The following RNF14 variants were observed in gnomAD, a reference collection of about 807,000 sequenced individuals.
RNF14 encodes E3 ubiquitin-protein ligase RNF14.
In RNF14, 26 loss-of-function variants were observed where a neutral mutation model predicts 52.6. The ratio of observed to expected loss-of-function variants is 0.49; its 90% CI spans 0.36 to 0.69. The LOEUF (loss-of-function observed/expected upper bound fraction) is 0.69, where lower values mean the gene tolerates loss of function less well. Ranked by LOEUF, RNF14 falls within the 30% of genes least tolerant of loss-of-function variation. The pLI, the probability that RNF14 is intolerant of heterozygous loss-of-function variation, is 0.00. For synonymous variants in RNF14, 194 were observed against 202.0 expected, an observed-to-expected ratio of 0.96 and a Z score of 0.34; for missense variants, 404 against 560.4, an observed-to-expected ratio of 0.72 and a Z score of 2.82.
intron 5 of RNF14, 103 bp downstream of exon 5, chr5:141,978,933 C>A: frequency 1.6e-6 from 2 of 1,256,290 alleles, no homozygotes; most frequent in Admixed American, 2.3e-5. Context: ...AGTCCGAGGC[C>A]TTGGAGCCAG....
At chr5:141,955,112 G>A (rs373022057), upstream of RNF14, 4 of 1,614,124 alleles carry the variant, frequency 2.5e-6, no homozygotes, top group East Asian at 2.2e-5. This position sits in a 1 kb window ranked among gnomAD's most constrained non-coding sequence, Gnocchi z 5.5. Context: ...TTGAGATGTC[G>A]CTGCCGTCTC....
chr5:141,956,952 C>G, upstream of RNF14: 2 of 1,614,174 alleles, frequency 1.2e-6, no homozygotes, highest in Non-Finnish European at 1.7e-6. Context: ...CCTGGCCTGT[C>G]TTGGCATCAA....
the RNF14 span, among the ~76,000 whole-genome samples, chr5:141,952,161 G>C: frequency 1.3e-5 from 2 of 152,138 alleles, no homozygotes; most frequent in South Asian, 4.1e-4. Context: ...TGCCCTCAGC[G>C]TGGTCACATC....
In RNF14 at chr5:141,984,824, A is replaced by C; in HGVS notation, c.1258A>C (p.Met420Leu). 6.2e-7 allele frequency: 1 copy of C among 1,613,842 alleles called. No homozygotes were observed. The highest frequency in any genetic ancestry group is 8.5e-7 in the Non-Finnish European group (1 of 1,179,780). The change falls in exon 8 of 9, where the codon ATG becomes CTG. Residue 420 changes from methionine (M) to leucine (L), a missense_variant. By Grantham distance (15) the Met-to-Leu change is conservative. Coordinates refer to ENST00000394520, the MANE Select transcript of RNF14 (RefSeq NM_004290.5). The part of the protein sequence containing the change: ...PIEKLDGCNK[M>L]TCTGCMQYFC... ...CCAGAAATTAGACGGATGTAACAAG[A>C]TGACATGTACTGGCTGTATGCAATA...
At chr5:141,959,834 C>T (rs1018124289) in intron 1 of RNF14, among the ~76,000 whole-genome samples, 1 of 152,182 alleles carries the variant, frequency 6.6e-6, no homozygotes, top group Non-Finnish European at 1.5e-5. Context: ...AGCTCTGAGA[C>T]ACTGCACAAG....
intron 3 of RNF14, 104 bp from the exon 4 acceptor site, chr5:141,974,700 A>T (rs1754088612): frequency 5.4e-6 from 6 of 1,105,718 alleles, no homozygotes; most frequent in Non-Finnish European, 7.8e-6. Context: ...GAGGGTTTTT[A>T]TTCCCTCAAC....
chr5:141,985,525 C>G (rs1450717341), intron 8 of RNF14, among the ~76,000 whole-genome samples: 1 of 151,944 alleles, frequency 6.6e-6, no homozygotes, highest in Non-Finnish European at 1.5e-5. Context: ...AAGCTTTGGC[C>G]CACCTTTTTT....
chr5:141,983,581 C>T, intron 7 of RNF14, 29 bp downstream of exon 7: 3 of 1,579,934 alleles, frequency 1.9e-6, no homozygotes, highest in South Asian at 2.3e-5. Context: ...ACTTGGAGGC[C>T]ATCAGACTTG....
At chr5:141,951,747 G>C in the RNF14 span, among the ~76,000 whole-genome samples, 263 of 152,350 alleles carry the variant, frequency 1.7e-3, no homozygotes, top group African/African-American at 6.0e-3. Context: ...CAGTGACAGA[G>C]ACAGGGACCT....
chr5:141,982,842 C>T (rs1439394990), intron 6 of RNF14, among the ~76,000 whole-genome samples: 1 of 152,018 alleles, frequency 6.6e-6, no homozygotes, highest in East Asian at 1.9e-4. Flanking sequence ...GTGAATGGTG[C>T]TGACTTAGTG....
Position 141,984,919 on chromosome 5 carries a change from A to G in RNF14, c.1353A>G (p.Ser451=). ...NPYKHFNDPG[S]PCFNRLFYAV... is the part of the protein sequence containing the mutation. ...ACAAACATTTCAATGACCCTGGTTCACCATGTTTTAACCGGTATGTATACA... is the reference window on the plus strand; with the variant it reads ...ACAAACATTTCAATGACCCTGGTTCGCCATGTTTTAACCGGTATGTATACA... The change falls in exon 8 of 9, where the codon TCA becomes TCG. Residue 451 remains serine, a synonymous_variant. Coordinates refer to ENST00000394520, the MANE Select transcript of RNF14 (RefSeq NM_004290.5). 4.3e-6 allele frequency: 7 copies of G among 1,613,824 alleles called. No individual in the cohort carries two copies. Among genetic ancestry groups the G allele is most frequent in the Non-Finnish European group, 5.9e-6 (7 of 1,179,788 alleles).
At chr5:141,984,253 A>G (rs867905759) in intron 7 of RNF14, among the ~76,000 whole-genome samples, 29 of 152,128 alleles carry the variant, frequency 1.9e-4, no homozygotes, top group Middle Eastern at 6.8e-3. Flanking sequence ...GCCAGCCACC[A>G]CACCTGGCTA....
upstream of RNF14, chr5:141,955,671 G>C: frequency 6.2e-7 from 1 of 1,614,158 alleles, no homozygotes; most frequent in Non-Finnish European, 8.5e-7. This position sits in a 1 kb window ranked among gnomAD's most constrained non-coding sequence, Gnocchi z 5.5. Flanking sequence ...ACCCGAAGAT[G>C]CCCAACAGTA....
intron 2 of RNF14, among the ~76,000 whole-genome samples, chr5:141,972,607 T>A (rs2126982516): frequency 6.6e-6 from 1 of 152,298 alleles, no homozygotes; most frequent in East Asian, 1.9e-4. Context: ...TTTTGTTTTT[T>A]TGAGACAGAG....
At chr5:141,949,645 G>A in the RNF14 span, 1 of 1,554,162 alleles carries the variant, frequency 6.4e-7, no homozygotes, top group Admixed American at 1.9e-5. Context: ...ATTCATTCAT[G>A]CCCATTCATG....
chr5:141,975,068 G>T lies in RNF14; in HGVS notation c.306+113G>T, dbSNP rs567553376. On this transcript the variant is annotated intron_variant, in intron 4 of 8. Transcript: ENST00000394520. ...CAGTGCATGAAAAACAAATGGCTTT[G>T]GTTTTGTAATTTTTTTCCCTTGCCT... The T allele has an allele frequency of 4.7e-5, 55 of 1,172,692 alleles. No homozygotes were observed. The South Asian group carries it at 6.8e-4, about 15-fold the overall frequency. The allele number at this position is 1,172,692 out of a possible 1,614,324, so 72.6% of individuals were successfully genotyped here.
chr5:141,955,019 C>T (rs760445554), upstream of RNF14: 16 of 1,614,038 alleles, frequency 9.9e-6, no homozygotes, highest in South Asian at 3.3e-5. This position sits in a 1 kb window ranked among gnomAD's most constrained non-coding sequence, Gnocchi z 5.5. Flanking sequence ...GGGTTCCGCT[C>T]GGCGAAGGCA....
the RNF14 span, among the ~76,000 whole-genome samples, chr5:141,950,926 T>C: frequency 6.6e-6 from 1 of 152,194 alleles, no homozygotes; most frequent in African/African-American, 2.4e-5. Flanking sequence ...GGTTCTGTTT[T>C]ACAGATGGGG....
At chr5:141,972,899 TAAGAA>T (rs1298317881) in intron 2 of RNF14, among the ~76,000 whole-genome samples, 4 of 152,244 alleles carry the variant, frequency 2.6e-5, no homozygotes, top group Middle Eastern at 6.8e-3. Context: ...CAAATTAACT[TAAGAA>T]AGGAGTGTAA....
Sources: gnomAD v4.1 joint callset for allele counts (sites outside exome capture counted in the v4.1 genomes callset) on GRCh38, gnomAD v4.1.1 for gene constraint, Gnocchi (gnomAD v3.1) non-coding constraint, MANE v1.5 for transcripts, NCBI Gene and HGNC (gene_info 2026-07-23, HGNC 2026-07-21) for gene names.